PLCB3: variants seen among roughly 807,000 people sequenced by gnomAD.
PLCB3 encodes phospholipase C beta 3.
A neutral mutation model predicts 152.1 loss-of-function variants in PLCB3; 54 were observed. The ratio of observed to expected loss-of-function variants is 0.36; its 90% CI spans 0.29 to 0.45. The LOEUF is 0.45. PLCB3 is among the 20% of genes least tolerant of loss of function. PLCB3 has a pLI of 1.00. For missense variants in PLCB3, 1,248 were observed against 1,687.5 expected (o/e 0.74, Z 4.56); for synonymous variants, 717 against 698.7 (o/e 1.03, Z -0.41).
chr11:64,251,748 G>T lies in PLCB3; in HGVS notation c.99G>T (p.Glu33Asp). The T allele has an allele frequency of 6.9e-7, 1 of 1,448,462 alleles. No homozygotes were observed. The highest frequency in any genetic ancestry group is 3.0e-5 in the East Asian group (1 of 33,278). The allele number at this position is 1,448,462 out of a possible 1,614,324, so 89.7% of individuals were successfully genotyped here. ...GGAGTAAGTTCATCAAATGGGACGA[G>T]GTAAGCGCGCGGGCCCCTGCTCCGC... ...RRGSKFIKWD[E>D]ETSSRNLVTL... is the part of the protein sequence containing the mutation. The change falls in exon 1 of 31, where the codon GAG (glutamate) becomes GAT (aspartate). Residue 33 changes from glutamate to aspartate, a missense_variant and splice_region_variant. Glu to Asp is a conservative substitution (Grantham distance 45). This residue lies in a region of PLCB3 where 299 missense variants were observed against 434.7 expected (regional missense o/e 0.69). Coordinates refer to ENST00000279230, the MANE Select transcript of PLCB3 (RefSeq NM_000932.5).
rs1210474429 is a variant in PLCB3, at chr11:64,265,964, G to A, written c.3114G>A (p.Gln1038=). The A allele has an allele frequency of 1.9e-6, 3 of 1,614,042 alleles. No individual in the cohort carries two copies. The South Asian group carries it at 3.3e-5, about 18-fold the overall frequency. Residue 1038 remains glutamine (Q), a synonymous_variant, in exon 26 of 31, where the codon CAG becomes CAA. Transcript: ENST00000279230. ...AKRYQEFQNR[Q]VQSLLELREA... The stretch of plus-strand genomic sequence containing the variant: ...GGTATCAGGAGTTCCAGAACAGACA[G>A]GTGCAGAGCCTGCTGGAGCTGCGGG...
In PLCB3 at chr11:64,262,524, T is replaced by C; in HGVS notation, c.2156T>C (p.Ile719Thr). The change falls in exon 18 of 31, where the codon ATC (isoleucine) becomes ACC (threonine). Residue 719 changes from isoleucine (I) to threonine (T), a missense_variant. By Grantham distance (89) the Ile-to-Thr change is moderately conservative. Transcript: ENST00000279230. ...TCCTTCGACCCCTTCACTGAGGTCA[T>C]CGTGGATGGCATCGTGGCCAATGCC... ...DKSFDPFTEV[I>T]VDGIVANALR... is the part of the protein sequence containing the mutation. 6.2e-7 allele frequency: 1 copy of C among 1,613,968 alleles called. No individual in the cohort carries two copies. The highest frequency in any genetic ancestry group is 8.5e-7 in the Non-Finnish European group (1 of 1,180,006).
At chr11:64,253,301 C>T (rs1464866737) in intron 1 of PLCB3, among the ~76,000 whole-genome samples, 4 of 152,194 alleles carry the variant, frequency 2.6e-5, no homozygotes, top group South Asian at 2.1e-4. Context: ...CCAGTGATCT[C>T]GGGCAGGCTA....
At chr11:64,263,384 T>A in intron 19 of PLCB3, 114 bp from the exon 20 acceptor site, 1 of 655,976 alleles carries the variant, frequency 1.5e-6, no homozygotes, top group Non-Finnish European at 2.7e-6. Context: ...GGTCAGTAGG[T>A]CAGCTCGTCT....
In PLCB3 at chr11:64,251,641, G is replaced by T. The variant is rs1312028104; in HGVS notation, c.-9G>T. ...CTCCGTGGGTCCCCGACCCGCCCCT[G>T]GCCGGGCCATGGCGGGCGCCCAGCC... is the stretch of plus-strand genomic sequence containing the variant. On this transcript the variant is annotated 5_prime_UTR_variant, in exon 1 of 31. Transcript: ENST00000279230. The T allele has an allele frequency of 1.4e-6, 2 of 1,444,900 alleles. No individual in the cohort carries two copies. Among genetic ancestry groups the T allele is most frequent in the Non-Finnish European group, 9.2e-7 (1 of 1,091,484 alleles). The allele number at this position is 1,444,900 out of a possible 1,614,324, so 89.5% of individuals were successfully genotyped here. A position where few individuals can be genotyped will look rare whatever the true frequency, so the allele number is the denominator to read the frequency against.
rs778991743 is a variant in PLCB3, at chr11:64,265,939, G to A, written c.3089G>A (p.Arg1030Gln). 22 of 1,613,686 alleles carry A rather than the reference G, an allele frequency of 1.4e-5. No homozygotes were observed. Among genetic ancestry groups the A allele is most frequent in the East Asian group, 6.7e-5 (3 of 44,886 alleles). Reference sequence around the variant, plus strand: ...AAGGAGGGGGAGGACGAGGCAAAGCGGTATCAGGAGTTCCAGAACAGACAG... The same window carrying A: ...AAGGAGGGGGAGGACGAGGCAAAGCAGTATCAGGAGTTCCAGAACAGACAG... ...DTKEGEDEAKRYQEFQNRQVQ... is the reference protein window; with the variant it reads ...DTKEGEDEAKQYQEFQNRQVQ... Residue 1030 changes from arginine (R) to glutamine (Q), a missense_variant, in exon 26 of 31, where the codon CGG becomes CAG. Physicochemically the swap from Arg to Gln is conservative, Grantham distance 43. This residue lies in a region of PLCB3 where 477 missense variants were observed against 489.6 expected (regional missense o/e 0.97). Coordinates refer to ENST00000279230, the MANE Select transcript of PLCB3 (RefSeq NM_000932.5).
intron 25 of PLCB3, 50 bp downstream of exon 25, chr11:64,265,552 G>A (rs2032077474): frequency 6.5e-7 from 1 of 1,541,192 alleles, no homozygotes; most frequent in Non-Finnish European, 8.7e-7. Context: ...GTGCTGATGT[G>A]AACATGGGGG....
intron 13 of PLCB3, 33 bp from the exon 14 acceptor site, chr11:64,259,996 T>C (rs28395878): frequency 0.066 from 105,183 of 1,585,524 alleles, 4,146 homozygotes; most frequent in Admixed American, 0.14. Flanking sequence ...TGTGTGGTCC[T>C]GACCCCTCAC....
intron 14 of PLCB3, 104 bp from the exon 15 acceptor site, chr11:64,261,296 T>A (rs2031836553): frequency 3.6e-6 from 3 of 831,858 alleles, no homozygotes; most frequent in Non-Finnish European, 6.3e-6. Flanking sequence ...GCAGTGTGTA[T>A]ATAGTGCTGG....
Position 64,259,049 on chromosome 11 carries a change from C to G in PLCB3, c.1339-9C>G. The G allele has an allele frequency of 6.2e-7, 1 of 1,611,602 alleles. No homozygotes were observed. Among genetic ancestry groups the G allele is most frequent in the East Asian group, 2.2e-5 (1 of 44,810 alleles). ...GGTCCAGGGCCCTGACTCGTCCATG[C>G]CTGCCCAGCTGGCCCCAGGCGTTCC... is the stretch of plus-strand genomic sequence containing the variant. On this transcript the variant is annotated splice_polypyrimidine_tract_variant and intron_variant, in intron 12 of 30. Transcript: ENST00000279230.
intron 22 of PLCB3, among the ~76,000 whole-genome samples, chr11:64,264,355 C>A (rs2135063399): frequency 6.6e-6 from 1 of 152,314 alleles, no homozygotes; most frequent in East Asian, 1.9e-4. Context: ...TCAGCCACTT[C>A]ATCAGGGCAG....
intron 16 of PLCB3, 104 bp downstream of exon 16, chr11:64,261,769 C>T: frequency 7.1e-7 from 1 of 1,405,294 alleles, no homozygotes; most frequent in Non-Finnish European, 1.0e-6. Context: ...GGTGCTGGCC[C>T]TCCGGCGGCC....
intron 1 of PLCB3, among the ~76,000 whole-genome samples, chr11:64,252,533 G>T (rs2031270496): frequency 6.6e-6 from 1 of 152,328 alleles, no homozygotes; most frequent in South Asian, 2.1e-4. Context: ...CACCCGGCCG[G>T]CCTGAGCTTC....
Position 64,258,407 on chromosome 11 carries a change from G to A in PLCB3, c.1013-66G>A. 6.4e-7 allele frequency: 1 copy of A among 1,564,086 alleles called. No homozygotes were observed. The highest frequency in any genetic ancestry group is 2.3e-5 in the East Asian group (1 of 43,774). ...CAAATCCAGCATGTCCTGGTTCCAG[G>A]TGGGGCCGGGGTGGTGAGGAGCTGG... On this transcript the variant is annotated intron_variant, in intron 10 of 30. Transcript: ENST00000279230. This position sits in a 1 kb window ranked among gnomAD's most constrained non-coding sequence, Gnocchi z 7.2.
rs201096665 is a variant in PLCB3, at chr11:64,266,303, C to T, written c.3267-12C>T. 253 of 1,613,428 alleles carry T rather than the reference C, an allele frequency of 1.6e-4. 1 individual carries two copies. In the African/African-American group the frequency reaches 2.5e-3, roughly 16 times the overall value. ...CCGCTGACCCCTCCTCTTCCCCTGCCGGCTTCTCCAGGGAGAAGAAGGAGC... is the reference window on the plus strand; with the variant it reads ...CCGCTGACCCCTCCTCTTCCCCTGCTGGCTTCTCCAGGGAGAAGAAGGAGC... On this transcript the variant is annotated splice_polypyrimidine_tract_variant and intron_variant, in intron 27 of 30. Coordinates refer to ENST00000279230, the MANE Select transcript of PLCB3 (RefSeq NM_000932.5). This position sits in a 1 kb window ranked among gnomAD's most constrained non-coding sequence, Gnocchi z 4.9.
At chr11:64,257,016 T>TTTTTTC (rs771872374) in intron 10 of PLCB3, among the ~76,000 whole-genome samples, 1,627 of 120,620 alleles carry the variant, frequency 0.013, 136 homozygotes, top group Non-Finnish European at 0.023. Flanking sequence ...TTTTTTTTTT[T>TTTTTTC]TTTTTGAGAC....
Position 64,264,976 on chromosome 11 carries a change from A to C in PLCB3, c.2678A>C (p.Gln893Pro), listed in dbSNP as rs771875912. The C allele has an allele frequency of 6.2e-7, 1 of 1,612,872 alleles. No homozygotes were observed. Among genetic ancestry groups the C allele is most frequent in the Admixed American group, 1.7e-5 (1 of 60,012 alleles). Residue 893 changes from glutamine to proline, a missense_variant, in exon 23 of 31, where the codon CAG (glutamine) becomes CCG (proline). Gln to Pro is a moderately conservative substitution (Grantham distance 76). This residue lies in a region of PLCB3 where 477 missense variants were observed against 489.6 expected (regional missense o/e 0.97). Transcript: ENST00000279230. ...GCTCAGGCTGGCCAAGAGACGTGCC[A>C]GGACACCCAGTCTCAGCAGCTGGGG... ...SEAQAGQETC[Q>P]DTQSQQLGSQ...
chr11:64,253,915 C>G (rs78311260), intron 1 of PLCB3, among the ~76,000 whole-genome samples: 422 of 152,244 alleles, frequency 2.8e-3, no homozygotes, highest in Middle Eastern at 6.8e-3. Context: ...ACAGGGCTAT[C>G]GTGATGTCCC....
In PLCB3 at chr11:64,255,178, C is replaced by A; in HGVS notation, c.388-56C>A. The A allele has an allele frequency of 6.5e-7, 1 of 1,536,354 alleles. No individual in the cohort carries two copies. The highest frequency in any genetic ancestry group is 9.0e-7 in the Non-Finnish European group (1 of 1,111,608). ...AGGCAGTTGTGGACCTGGGTTGTGG[C>A]TGGGCAGCCCCTGTGTCCCCCACTC... On this transcript the variant is annotated intron_variant, in intron 4 of 30. Coordinates refer to ENST00000279230, the MANE Select transcript of PLCB3 (RefSeq NM_000932.5). The surrounding 1 kb of genome is among the most constrained non-coding windows in gnomAD (Gnocchi z 6.8).
Sources: gnomAD v4.1 joint callset for allele counts (sites outside exome capture counted in the v4.1 genomes callset) on GRCh38, gnomAD v4.1.1 for gene constraint, gnomAD v4.1.1 regional missense constraint, Gnocchi (gnomAD v3.1) non-coding constraint, MANE v1.5 for transcripts, NCBI Gene and HGNC (gene_info 2026-07-23, HGNC 2026-07-21) for gene names.